Variants in CCDC33 observed in about 807,000 individuals in gnomAD.
CCDC33 encodes the protein coiled-coil domain containing 33.
CCDC33 carries 94 observed loss-of-function variants against 91.9 expected under a neutral mutation model. The ratio of observed to expected loss-of-function variants is 1.02; its 90% CI spans 0.87 to 1.21. The LOEUF (loss-of-function observed/expected upper bound fraction) is 1.21. Ranked by LOEUF, CCDC33 falls within the 50% of genes most tolerant of loss-of-function variation. CCDC33 has a pLI of 0.00. For missense variants in CCDC33, 940 were observed against 935.5 expected, an observed-to-expected ratio of 1.00 and a Z score of -0.06; for synonymous variants, 396 against 374.5, an observed-to-expected ratio of 1.06 and a Z score of -0.66.
rs16966892 is a variant in CCDC33 at position 74,220,409 on chromosome 15, G to A, written c.675+1548G>A. On this transcript the variant is annotated intron_variant, in intron 2 of 2. Coordinates refer to the CCDC33 transcript ENST00000635913. ...CACCTGCATTCCTAGGTGACATTCT[G>A]TTCCCTTAGACTGCAAGCTCCCTGA... Among the ~76,000 whole-genome samples, 1,515 of 152,292 alleles carry A rather than the reference G, an allele frequency of 9.9e-3. 29 individuals carry two copies. Among genetic ancestry groups the A allele is most frequent in the African/African-American group, 0.035 (1,455 of 41,556 alleles).
chr15:74,209,595 C>T lies in CCDC33; in HGVS notation n.236+61C>T, dbSNP rs771112698. 51 of 659,634 alleles carry T rather than the reference C, an allele frequency of 7.7e-5. 1 individual carries two copies. Among genetic ancestry groups the T allele is most frequent in the Non-Finnish European group, 9.2e-5 (36 of 392,714 alleles). The allele number at this position is 659,634 out of a possible 1,614,324, so 40.9% of individuals were successfully genotyped here. ...CCTCGGAGCTTTCTCTTCTATTTCT[C>T]ACTTCTCACAGACAGGCTGGGGTTC... On this transcript the variant is annotated intron_variant and non_coding_transcript_variant, in intron 2 of 3. Coordinates refer to the CCDC33 transcript ENST00000558645.
chr15:74,226,001 G>A (rs1162552647), intron 2 of CCDC33, among the ~76,000 whole-genome samples: 1 of 152,172 alleles, frequency 6.6e-6, no homozygotes, highest in African/African-American at 2.4e-5. Flanking sequence ...CCTCCACCTG[G>A]ACCTGACAGC....
intron 5 of CCDC33, 96 bp downstream of exon 5, chr15:74,268,554 A>AG: frequency 7.8e-6 from 7 of 902,562 alleles, no homozygotes; most frequent in South Asian, 1.4e-5. Context: ...CCTCTGGCTG[A>AG]CCTGAGGGTG....
chr15:74,300,622 A>G (rs1451784562), intron 11 of CCDC33: 1 of 152,234 alleles, frequency 6.6e-6, no homozygotes, highest in Non-Finnish European at 1.5e-5. Flanking sequence ...CATTCCCCGG[A>G]GCCCAAAAAA....
chr15:74,244,208 G>A lies in CCDC33; in HGVS notation c.185+60G>A, dbSNP rs1330351001. 1.3e-6 allele frequency: 2 copies of A among 1,554,660 alleles called. No individual in the cohort carries two copies. Among genetic ancestry groups the A allele is most frequent in the African/African-American group, 1.4e-5 (1 of 73,472 alleles). The stretch of plus-strand genomic sequence containing the variant: ...GGTTGGGCTGTGAGCAGAAACCAGG[G>A]GACAGCTATTTGGAATACTAGCACC... On this transcript the variant is annotated intron_variant, in intron 2 of 18. Coordinates refer to ENST00000398814, the MANE Select transcript of CCDC33 (RefSeq NM_025055.5). This position sits in a 1 kb window ranked among gnomAD's most constrained non-coding sequence, Gnocchi z 4.2.
chr15:74,333,019 T>C (rs1053901432), intron 16 of CCDC33, 174 bp downstream of exon 16: 1 of 790,110 alleles, frequency 1.3e-6, no homozygotes, highest in Non-Finnish European at 2.0e-6. Context: ...TCCTGCGGAA[T>C]GTGTGTCCCC....
At chr15:74,332,056 G>A (rs2060450466) in intron 15 of CCDC33, among the ~76,000 whole-genome samples, 1 of 152,078 alleles carries the variant, frequency 6.6e-6, no homozygotes, top group African/African-American at 2.4e-5. Context: ...TAAATGATTT[G>A]GAGGTTTTCT....
intron 2 of CCDC33, among the ~76,000 whole-genome samples, chr15:74,227,909 G>A (rs1347231263): frequency 6.6e-6 from 1 of 152,150 alleles, no homozygotes. Flanking sequence ...AAGAGGTCTC[G>A]GAGGAGAGGG....
chr15:74,241,632 C>T (rs1317355301), intron 1 of CCDC33, among the ~76,000 whole-genome samples: 5 of 152,124 alleles, frequency 3.3e-5, no homozygotes, highest in Non-Finnish European at 7.4e-5. Flanking sequence ...GGTCTGGGTC[C>T]AATCTGTAAA....
At chr15:74,305,040 A>G (rs1264847485) in intron 11 of CCDC33, among the ~76,000 whole-genome samples, 2 of 151,734 alleles carry the variant, frequency 1.3e-5, no homozygotes, top group Non-Finnish European at 2.9e-5. Context: ...TCCGCCTCCC[A>G]GGTTCAAGTG....
chr15:74,270,670 A>T (rs1275561423), intron 5 of CCDC33, among the ~76,000 whole-genome samples: 1 of 152,082 alleles, frequency 6.6e-6, no homozygotes, highest in Non-Finnish European at 1.5e-5. Context: ...ATTGGTGGAT[A>T]CAGGGTGAGG....
intron 11 of CCDC33, chr15:74,299,832 A>G (rs1485665504): frequency 6.6e-6 from 1 of 152,042 alleles, no homozygotes; most frequent in Non-Finnish European, 1.5e-5. Flanking sequence ...CGGTCTCCCA[A>G]CTCATCATTT....
chr15:74,240,553 CAG>C (rs2075313437), intron 1 of CCDC33, among the ~76,000 whole-genome samples: 1 of 152,118 alleles, frequency 6.6e-6, no homozygotes. Flanking sequence ...AATCAAGGCT[CAG>C]GGAGGTGGTA....
intron 2 of CCDC33, 97 bp from the exon 3 acceptor site, chr15:74,262,343 A>G (rs2076047858): frequency 1.3e-6 from 2 of 1,499,270 alleles, no homozygotes; most frequent in East Asian, 2.3e-5. Context: ...TATTCTGTCC[A>G]CCTTTCACTC....
At position 74,209,534 on chromosome 15, in the gene CCDC33, G is replaced by T. The variant is rs1214374354; in HGVS notation, n.236G>T. 52 of 1,186,436 alleles carry T rather than the reference G, an allele frequency of 4.4e-5. No homozygotes were observed. The South Asian group carries it at 4.7e-4, about 11-fold the overall frequency. The allele number at this position is 1,186,436 out of a possible 1,614,324, so 73.5% of individuals were successfully genotyped here. On this transcript the variant is annotated splice_region_variant and non_coding_transcript_exon_variant, in exon 2 of 4. Transcript: ENST00000558645. ...ACAGGGCTTCAGGGCTGGAATTCCAGGTATGATCTATTCCCAGGGGAAGTG... is the reference window on the plus strand; with the variant it reads ...ACAGGGCTTCAGGGCTGGAATTCCATGTATGATCTATTCCCAGGGGAAGTG...
chr15:74,222,368 C>T (rs188802766), intron 2 of CCDC33, among the ~76,000 whole-genome samples: 2 of 151,966 alleles, frequency 1.3e-5, no homozygotes, highest in Admixed American at 1.3e-4. Context: ...AACTCCCTCC[C>T]ACACAGCTCT....
chr15:74,262,156 A>G (rs983238207), intron 2 of CCDC33, among the ~76,000 whole-genome samples: 2 of 152,106 alleles, frequency 1.3e-5, no homozygotes, highest in African/African-American at 2.4e-5. Context: ...CGGGCAAAGC[A>G]TCTACCCTCT....
At chr15:74,203,762 T>A (rs114463584) in intron 1 of CCDC33, among the ~76,000 whole-genome samples, 1 of 152,140 alleles carries the variant, frequency 6.6e-6, no homozygotes, top group Non-Finnish European at 1.5e-5. Context: ...GAATCACAGG[T>A]TGAGCTGGTC....
At chr15:74,326,420 C>T (rs2060310995) in intron 11 of CCDC33, among the ~76,000 whole-genome samples, 3 of 152,230 alleles carry the variant, frequency 2.0e-5, no homozygotes, top group Admixed American at 2.0e-4. Context: ...CTGTTCATGC[C>T]CCCTCTCTCT....
Sources: allele counts gnomAD v4.1 joint callset (sites outside exome capture counted in the v4.1 genomes callset), GRCh38; gene constraint gnomAD v4.1.1; non-coding constraint Gnocchi (gnomAD v3.1); transcripts MANE v1.5; gene names NCBI Gene and HGNC (gene_info 2026-07-23, HGNC 2026-07-21).